The following ZFHX4 variants were observed in gnomAD, a reference collection of about 807,000 sequenced individuals.
ZFHX4 encodes zinc finger homeobox 4, also known as zinc finger homeobox protein 4.
In ZFHX4, 56 loss-of-function variants were observed where a neutral mutation model predicts 267.6. The ratio of observed to expected loss-of-function variants is 0.21; its 90% confidence interval spans 0.17 to 0.26. The LOEUF is 0.26. ZFHX4 is among the 10% of genes least tolerant of loss of function. ZFHX4 has a pLI of 1.00. For missense variants in ZFHX4, 4,332 were observed against 4,420.0 expected (o/e 0.98, Z 0.56); for synonymous variants, 1,778 against 1,665.6 (o/e 1.07, Z -1.64).
At chr8:76,761,465 A>G (rs927061681) in intron 3 of ZFHX4, among the ~76,000 whole-genome samples, 3 of 152,192 alleles carry the variant, frequency 2.0e-5, no homozygotes, top group Admixed American at 1.3e-4. Context: ...CCAAAGTGAA[A>G]TAAACTTATA....
chr8:76,794,114 C>T (rs1282395061), intron 4 of ZFHX4, among the ~76,000 whole-genome samples: 1 of 152,060 alleles, frequency 6.6e-6, no homozygotes, highest in African/African-American at 2.4e-5. Context: ...CAGAACTTTA[C>T]AAAGCTTTAT....
rs1255080630 is a variant in ZFHX4, at chr8:76,707,549, A to G, written c.2594A>G (p.Asn865Ser). The G allele has an allele frequency of 6.4e-7, 1 of 1,567,226 alleles. No individual in the cohort carries two copies. Among genetic ancestry groups the G allele is most frequent in the Non-Finnish European group, 8.7e-7 (1 of 1,155,344 alleles). Residue 865 changes from asparagine to serine, a missense_variant, in exon 3 of 11, where the codon AAT becomes AGT. Physicochemically the swap from Asn to Ser is conservative, Grantham distance 46. Transcript: ENST00000651372. ...TAAALAPGLV[N>S]NELPPEIRLA... ...TTTTAATTTTTTTTTCCTGTAGTAA[A>G]TAATGAGCTGCCGCCTGAAATCCGG...
At chr8:76,743,063 C>T (rs557764534) in intron 3 of ZFHX4, among the ~76,000 whole-genome samples, 78 of 152,230 alleles carry the variant, frequency 5.1e-4, no homozygotes, top group African/African-American at 1.8e-3. Context: ...AAACCATTTA[C>T]GCCTTTTACA....
chr8:76,699,052 T>G (rs1057409365), intron 1 of ZFHX4, among the ~76,000 whole-genome samples: 1 of 152,150 alleles, frequency 6.6e-6, no homozygotes, highest in Non-Finnish European at 1.5e-5. Flanking sequence ...GTTTGTGTGG[T>G]TCACTCCGAA....
chr8:76,797,882 C>CTATA (rs752887213), intron 4 of ZFHX4, among the ~76,000 whole-genome samples: 93 of 135,678 alleles, frequency 6.9e-4, no homozygotes, highest in African/African-American at 2.3e-3. Flanking sequence ...GGGTGTGTGT[C>CTATA]TGTATGTGTG....
At chr8:76,699,756 A>C (rs1346150695) in intron 1 of ZFHX4, among the ~76,000 whole-genome samples, 1 of 149,872 alleles carries the variant, frequency 6.7e-6, no homozygotes, top group African/African-American at 2.5e-5. Context: ...AAAAAAAAAA[A>C]AAAAGTCCAG....
intron 4 of ZFHX4, among the ~76,000 whole-genome samples, chr8:76,781,302 C>G (rs946294690): frequency 2.3e-4 from 35 of 152,080 alleles, no homozygotes; most frequent in African/African-American, 7.7e-4. Flanking sequence ...TCATTTTTAT[C>G]TTTGTAATGA....
intron 4 of ZFHX4, among the ~76,000 whole-genome samples, chr8:76,830,454 G>T (rs539184347): frequency 2.4e-4 from 36 of 152,138 alleles, no homozygotes; most frequent in Non-Finnish European, 4.6e-4. Context: ...TGTTATTACA[G>T]ACCAGTTATT....
chr8:76,846,173 CT>C (rs1190451108), intron 6 of ZFHX4, among the ~76,000 whole-genome samples: 1 of 151,952 alleles, frequency 6.6e-6, no homozygotes, highest in African/African-American at 2.4e-5. Context: ...GATAGTATCC[CT>C]TTGAGTAAGA....
chr8:76,843,918 T>G (rs2131919761), intron 6 of ZFHX4, among the ~76,000 whole-genome samples: 1 of 152,232 alleles, frequency 6.6e-6, no homozygotes, highest in South Asian at 2.1e-4. Context: ...CACTGTTCAG[T>G]ACTAAATTTC....
Position 76,854,147 on chromosome 8 carries a change from C to T in ZFHX4, c.7226C>T (p.Pro2409Leu), listed in dbSNP as rs894084380. ...PEKTSPKPEY[P>L]AEKPKQSDPS... ...AAGACTTCTCCAAAACCTGAATATC[C>T]CGCAGAAAAGCCAAAGCAGAGTGAC... Residue 2409 changes from proline (P) to leucine (L), a missense_variant, in exon 10 of 11, where the codon CCC becomes CTC. By Grantham distance (98) the Pro-to-Leu change is moderately conservative (BLOSUM62 -3). Transcript: ENST00000651372. 5.0e-6 allele frequency: 8 copies of T among 1,610,050 alleles called. No individual in the cohort carries two copies. The South Asian group carries it at 7.7e-5, about 16-fold the overall frequency.
chr8:76,863,085 T>C lies in ZFHX4; in HGVS notation c.9380-9T>C. ...TTGACAGTGGCCATCTCTCTGTTGT[T>C]GTTTTCAGCTTTAACACCTCCCGGT... is the stretch of plus-strand genomic sequence containing the variant. On this transcript the variant is annotated splice_polypyrimidine_tract_variant and intron_variant, in intron 10 of 10. Coordinates refer to ENST00000651372, the MANE Select transcript of ZFHX4 (RefSeq NM_024721.5). 1 of 1,496,336 alleles carries C rather than the reference T, an allele frequency of 6.7e-7. No homozygotes were observed. The highest frequency in any genetic ancestry group is 2.5e-5 in the East Asian group (1 of 40,560). 92.7% of individuals were successfully genotyped at this position (1,496,336 alleles called of 1,614,324 possible).
intron 4 of ZFHX4, among the ~76,000 whole-genome samples, chr8:76,811,290 A>C (rs1341013256): frequency 1.3e-5 from 2 of 152,326 alleles, no homozygotes; most frequent in East Asian, 3.9e-4. Context: ...GAAAACTTTT[A>C]AAATTAGGAA....
chr8:76,694,359 G>C (rs1807899618), intron 1 of ZFHX4, among the ~76,000 whole-genome samples: 1 of 152,136 alleles, frequency 6.6e-6, no homozygotes. Context: ...CCCGACTAAA[G>C]TGAATGTAAA....
rs16939379 is a variant in ZFHX4, at chr8:76,855,561, C to A, written c.8640C>A (p.Gly2880=). The A allele has an allele frequency of 6.2e-7, 1 of 1,613,638 alleles. No homozygotes were observed. Residue 2880 remains glycine, a synonymous_variant, in exon 10 of 11, where the codon GGC becomes GGA. Transcript: ENST00000651372. ...CCATCCATTTCAATGACAAAGATGGCGACCACGACCAAAGCTTTTACATCA... is the reference window on the plus strand; with the variant it reads ...CCATCCATTTCAATGACAAAGATGGAGACCACGACCAAAGCTTTTACATCA... ...SPSIHFNDKD[G]DHDQSFYITD... is the part of the protein sequence containing the mutation.
At chr8:76,841,381 TG>T (rs542522206) in intron 5 of ZFHX4, among the ~76,000 whole-genome samples, 1 of 152,040 alleles carries the variant, frequency 6.6e-6, no homozygotes, top group African/African-American at 2.4e-5. Flanking sequence ...TAATAAAACA[TG>T]GGGGGTGGAG....
At chr8:76,787,536 C>T (rs1279928472) in intron 4 of ZFHX4, among the ~76,000 whole-genome samples, 1 of 151,008 alleles carries the variant, frequency 6.6e-6, no homozygotes, top group Non-Finnish European at 1.5e-5. Context: ...GGTGCGGTGG[C>T]TCATGCCTGT....
At chr8:76,839,806 A>G (rs1225419121) in intron 5 of ZFHX4, among the ~76,000 whole-genome samples, 1 of 152,138 alleles carries the variant, frequency 6.6e-6, no homozygotes, top group African/African-American at 2.4e-5. Context: ...AGTATTTTAC[A>G]ACTGAGGATA....
intron 4 of ZFHX4, among the ~76,000 whole-genome samples, chr8:76,804,381 G>A (rs945698202): frequency 3.9e-5 from 6 of 152,036 alleles, no homozygotes; most frequent in African/African-American, 1.4e-4. Context: ...AATTTGAATA[G>A]CGAAGTAGTC....
Sources: allele counts gnomAD v4.1 joint callset (sites outside exome capture counted in the v4.1 genomes callset), GRCh38; gene constraint gnomAD v4.1.1; transcripts MANE v1.5; gene names NCBI Gene and HGNC (gene_info 2026-07-23, HGNC 2026-07-21).